The following ANO3 variants were observed in gnomAD, a reference collection of about 807,000 sequenced individuals.
ANO3 encodes the protein anoctamin-3.
ANO3 carries 99 observed loss-of-function variants against 144.8 expected under a neutral mutation model. That is an observed-to-expected ratio of 0.68 (90% CI 0.58 to 0.81). The LOEUF (loss-of-function observed/expected upper bound fraction) is 0.81. Among genes scored for constraint, ANO3 ranks in the 30% least tolerant of loss-of-function variants. The pLI, the probability that ANO3 is intolerant of heterozygous loss-of-function variation, is 0.00. For synonymous variants in ANO3, 414 were observed against 392.6 expected (o/e 1.05, Z -0.64); for missense variants, 905 against 1,202.2 (o/e 0.75, Z 3.66).
intron 1 of ANO3, among the ~76,000 whole-genome samples, chr11:26,384,318 C>A (rs1437017898): frequency 6.6e-6 from 1 of 152,026 alleles, no homozygotes; most frequent in Middle Eastern, 3.4e-3. Flanking sequence ...CAATTTTAGA[C>A]CCTGGAAAAT....
intron 3 of ANO3, among the ~76,000 whole-genome samples, chr11:26,461,034 A>T (rs1484418371): frequency 2.0e-5 from 3 of 152,036 alleles, no homozygotes; most frequent in Non-Finnish European, 4.4e-5. Context: ...CCAAACCAGG[A>T]TTTCTTGCTT....
intron 1 of ANO3, among the ~76,000 whole-genome samples, chr11:26,419,371 TTC>T (rs1236841810): frequency 3.3e-5 from 5 of 152,156 alleles, no homozygotes; most frequent in African/African-American, 7.2e-5. Context: ...CTTTTTCTTA[TTC>T]TGTTTCTGAT....
At chr11:26,574,687 G>A (rs1301193510) in intron 14 of ANO3, among the ~76,000 whole-genome samples, 2 of 152,060 alleles carry the variant, frequency 1.3e-5, no homozygotes, top group Non-Finnish European at 2.9e-5. Context: ...TATTAGGATA[G>A]AAATAGAGGG....
At chr11:26,211,862 C>G (rs1851940404) in intron 1 of ANO3, among the ~76,000 whole-genome samples, 1 of 152,032 alleles carries the variant, frequency 6.6e-6, no homozygotes, top group Non-Finnish European at 1.5e-5. Context: ...ACATATACAC[C>G]ATGGAATACT....
intron 1 of ANO3, among the ~76,000 whole-genome samples, chr11:26,254,959 T>A (rs886078019): frequency 6.6e-6 from 1 of 152,164 alleles, no homozygotes; most frequent in African/African-American, 2.4e-5. Context: ...TTCTTCAAGA[T>A]TAAATAAGTT....
intron 4 of ANO3, among the ~76,000 whole-genome samples, chr11:26,498,043 G>A (rs571596957): frequency 6.6e-6 from 1 of 152,056 alleles, no homozygotes; most frequent in African/African-American, 2.4e-5. Context: ...GGACTTGAAT[G>A]TGTTCACATC....
At chr11:26,225,462 T>G (rs554256406) in intron 1 of ANO3, among the ~76,000 whole-genome samples, 1 of 152,282 alleles carries the variant, frequency 6.6e-6, no homozygotes, top group South Asian at 2.1e-4. Context: ...ACACCCTCTT[T>G]CATGCATTTT....
chr11:26,440,111 T>A (rs536807799), intron 1 of ANO3, among the ~76,000 whole-genome samples: 11 of 152,120 alleles, frequency 7.2e-5, no homozygotes, highest in Non-Finnish European at 1.6e-4. Context: ...TTTATTCACA[T>A]TATACAGACA....
chr11:26,365,975 TA>T (rs55956162), intron 1 of ANO3, among the ~76,000 whole-genome samples: 19,624 of 87,448 alleles, frequency 0.22, 1,926 homozygotes, highest in Admixed American at 0.31. Flanking sequence ...TATATATATA[TA>T]TATATATATA....
chr11:26,628,251 G>T (rs1405395101), intron 18 of ANO3, among the ~76,000 whole-genome samples: 1 of 152,098 alleles, frequency 6.6e-6, no homozygotes, highest in Non-Finnish European at 1.5e-5. Flanking sequence ...CACTTTGTCA[G>T]ACAGGGGTCA....
At chr11:26,590,438 A>G (rs961531418) in intron 14 of ANO3, among the ~76,000 whole-genome samples, 23 of 152,224 alleles carry the variant, frequency 1.5e-4, no homozygotes, top group African/African-American at 5.3e-4. Flanking sequence ...AGCTGTTACC[A>G]GCAGGTCTTT....
intron 4 of ANO3, among the ~76,000 whole-genome samples, chr11:26,493,351 T>C (rs559777374): frequency 3.9e-5 from 6 of 152,256 alleles, no homozygotes; most frequent in African/African-American, 1.4e-4. Context: ...TGTGATTGTA[T>C]ATACAGGGGC....
chr11:26,591,387 C>T (rs1344319931), intron 14 of ANO3, among the ~76,000 whole-genome samples: 2 of 152,128 alleles, frequency 1.3e-5, no homozygotes, highest in Non-Finnish European at 2.9e-5. Context: ...CAGGGGTCTG[C>T]AGTAGATCTT....
intron 4 of ANO3, among the ~76,000 whole-genome samples, chr11:26,502,849 G>GAAAA (rs397941347): frequency 1.3e-5 from 1 of 77,748 alleles, no homozygotes. Flanking sequence ...AACATTCAGG[G>GAAAA]AAAAAAAAAA....
chr11:26,611,084 G>A (rs535765245), intron 17 of ANO3, among the ~76,000 whole-genome samples: 2 of 151,970 alleles, frequency 1.3e-5, no homozygotes, highest in African/African-American at 4.8e-5. Flanking sequence ...CAATAAAACT[G>A]TTAATTTTGT....
At chr11:26,370,545 T>C (rs1856220773) in intron 1 of ANO3, among the ~76,000 whole-genome samples, 1 of 152,104 alleles carries the variant, frequency 6.6e-6, no homozygotes, top group South Asian at 2.1e-4. Context: ...TGCAACAGTT[T>C]GGAGGGCTCA....
chr11:26,634,090 A>T (rs1219631979), intron 18 of ANO3, 114 bp from the exon 19 acceptor site: 1 of 532,546 alleles, frequency 1.9e-6, no homozygotes, highest in Non-Finnish European at 3.2e-6. Context: ...CAAAAAAAAA[A>T]AAAAAAAATT....
intron 1 of ANO3, among the ~76,000 whole-genome samples, chr11:26,374,293 C>A (rs143685525): frequency 5.3e-4 from 81 of 152,260 alleles, no homozygotes; most frequent in African/African-American, 1.9e-3. Flanking sequence ...TGTTTAGCAG[C>A]TGAAACGTAA....
chr11:26,349,039 G>C (rs1855568627), intron 1 of ANO3, among the ~76,000 whole-genome samples: 1 of 152,200 alleles, frequency 6.6e-6, no homozygotes, highest in South Asian at 2.1e-4. Context: ...CGTAAGCACA[G>C]AGGTTTATGA....
Sources: allele counts gnomAD v4.1 joint callset (sites outside exome capture counted in the v4.1 genomes callset), GRCh38; gene constraint gnomAD v4.1.1; transcripts MANE v1.5; gene names NCBI Gene and HGNC (gene_info 2026-07-23, HGNC 2026-07-21).